Variants in CNTNAP2 observed in about 807,000 individuals in gnomAD.
The protein encoded by CNTNAP2 is contactin-associated protein-like 2.
In CNTNAP2, 98 loss-of-function variants were observed where a neutral mutation model predicts 155.2. The ratio of observed to expected loss-of-function variants is 0.63; its 90% CI spans 0.54 to 0.75. The LOEUF (loss-of-function observed/expected upper bound fraction) is 0.75. CNTNAP2 is among the 30% of genes least tolerant of loss of function. The pLI, the probability that CNTNAP2 is intolerant of heterozygous loss-of-function variation, is 0.00. For synonymous variants in CNTNAP2, 651 were observed against 631.2 expected, an observed-to-expected ratio of 1.03 and a Z score of -0.47; for missense variants, 1,727 against 1,688.1, an observed-to-expected ratio of 1.02 and a Z score of -0.40.
At chr7:146,910,500 A>G (rs1244344304) in intron 3 of CNTNAP2, among the ~76,000 whole-genome samples, 1 of 150,732 alleles carries the variant, frequency 6.6e-6, no homozygotes, top group East Asian at 1.9e-4. Context: ...AAATAACGCC[A>G]CATACCTACA....
At chr7:146,700,288 AG>A (rs1304665186) in intron 1 of CNTNAP2, among the ~76,000 whole-genome samples, 2 of 152,214 alleles carry the variant, frequency 1.3e-5, no homozygotes, top group Admixed American at 6.5e-5. Context: ...TGGTTTTCAA[AG>A]GGGGCAGTGG....
At chr7:147,892,883 C>A (rs1439999171) in intron 13 of CNTNAP2, among the ~76,000 whole-genome samples, 3 of 152,128 alleles carry the variant, frequency 2.0e-5, no homozygotes, top group East Asian at 1.9e-4. Flanking sequence ...CAACCTGAAG[C>A]TAATCAACTG....
chr7:148,418,352 A>C lies in CNTNAP2; in HGVS notation c.*2736A>C, dbSNP rs1351559100. 2 of 152,258 alleles carry C rather than the reference A, an allele frequency of 1.3e-5. No individual in the cohort carries two copies. Among genetic ancestry groups the C allele is most frequent in the Non-Finnish European group, 2.9e-5 (2 of 68,058 alleles). 9.4% of individuals were successfully genotyped at this position (152,258 alleles called of 1,614,324 possible). Reference sequence around the variant, plus strand: ...TCCTGCTTTGTCATTCACATCTCACAAAATCTTGACATCTTACATTCCAAT... The same window carrying C: ...TCCTGCTTTGTCATTCACATCTCACCAAATCTTGACATCTTACATTCCAAT... On this transcript the variant is annotated 3_prime_UTR_variant, in exon 24 of 24. Transcript: ENST00000361727.
intron 15 of CNTNAP2, among the ~76,000 whole-genome samples, chr7:148,069,229 TGA>T (rs1803331141): frequency 6.6e-6 from 1 of 152,238 alleles, no homozygotes; most frequent in Non-Finnish European, 1.5e-5. Flanking sequence ...TCTAGTCTTA[TGA>T]TTTTTAACTG....
intron 1 of CNTNAP2, among the ~76,000 whole-genome samples, chr7:146,326,581 A>C (rs961624283): frequency 1.1e-4 from 16 of 152,182 alleles, no homozygotes; most frequent in Admixed American, 1.0e-3. Flanking sequence ...TTAATATCCC[A>C]TTTACAATTT....
In CNTNAP2 at chr7:147,818,937, C is replaced by T. The variant is rs927143114; in HGVS notation, c.2099-84628C>T. Reference sequence around the variant, plus strand: ...AAAATAATATCCTTCAAGGTAAATTCCATGAATGTTAAGTCAAGCAGAACT... The same window carrying T: ...AAAATAATATCCTTCAAGGTAAATTTCATGAATGTTAAGTCAAGCAGAACT... On this transcript the variant is annotated intron_variant, in intron 13 of 23. Transcript: ENST00000361727. Among the ~76,000 whole-genome samples, 20 of 152,176 alleles carry T rather than the reference C, an allele frequency of 1.3e-4. 1 individual carries two copies. The East Asian group carries it at 2.7e-3, about 21-fold the overall frequency.
chr7:148,169,201 A>G (rs1805729693), intron 17 of CNTNAP2, among the ~76,000 whole-genome samples: 2 of 152,236 alleles, frequency 1.3e-5, no homozygotes. Flanking sequence ...AAACATTAAA[A>G]TTACTCAGCT....
Position 148,147,594 on chromosome 7 carries a change from T to C in CNTNAP2, c.2658T>C (p.Thr886=), listed in dbSNP as rs756888068. The C allele has an allele frequency of 6.2e-7, 1 of 1,614,086 alleles. No homozygotes were observed. The highest frequency in any genetic ancestry group is 2.2e-5 in the East Asian group (1 of 44,870). ...PLNDDQWHRV[T]AERNVKQASL... ...ACGATGACCAGTGGCACCGGGTCAC[T>C]GCAGAGAGGAATGTCAAGCAGGCCA... Residue 886 remains threonine (T), a synonymous_variant, in exon 17 of 24, where the codon ACT becomes ACC. Coordinates refer to ENST00000361727, the MANE Select transcript of CNTNAP2 (RefSeq NM_014141.6).
intron 20 of CNTNAP2, among the ~76,000 whole-genome samples, chr7:148,230,662 T>C (rs1795945546): frequency 6.6e-6 from 1 of 152,230 alleles, no homozygotes; most frequent in Admixed American, 6.5e-5. Flanking sequence ...TTTTGAGCAC[T>C]GGTGGATGTC....
Position 146,930,905 on chromosome 7 carries a change from A to C in CNTNAP2, c.402+91001A>C, listed in dbSNP as rs553235122. Among the ~76,000 whole-genome samples the C allele has an allele frequency of 9.2e-5, 14 of 152,282 alleles. No homozygotes were observed. The South Asian group carries it at 2.9e-3, about 32-fold the overall frequency. On this transcript the variant is annotated intron_variant, in intron 3 of 23. Coordinates refer to ENST00000361727, the MANE Select transcript of CNTNAP2 (RefSeq NM_014141.6). ...AGCTAACTATCCTAAATATATATGC[A>C]CCCAATACAGGAGCACCCAGATTCA...
intron 11 of CNTNAP2, among the ~76,000 whole-genome samples, chr7:147,541,031 T>C (rs529430559): frequency 6.6e-6 from 1 of 152,278 alleles, no homozygotes; most frequent in South Asian, 2.1e-4. Context: ...TAAAGATACT[T>C]AAAATAAAAT....
At chr7:148,397,614 T>C (rs865795311) in intron 22 of CNTNAP2, among the ~76,000 whole-genome samples, 1 of 152,366 alleles carries the variant, frequency 6.6e-6, no homozygotes, top group South Asian at 2.1e-4. Context: ...CATTCCCCTT[T>C]TCGACAGGGA....
At chr7:147,157,610 T>G (rs1273308062) in intron 8 of CNTNAP2, among the ~76,000 whole-genome samples, 1 of 152,106 alleles carries the variant, frequency 6.6e-6, no homozygotes, top group Non-Finnish European at 1.5e-5. Flanking sequence ...GCAATGGTAT[T>G]ATATTTTTCT....
At chr7:146,539,829 A>G (rs1274657135) in intron 1 of CNTNAP2, among the ~76,000 whole-genome samples, 1 of 152,100 alleles carries the variant, frequency 6.6e-6, no homozygotes, top group Non-Finnish European at 1.5e-5. Flanking sequence ...GTCACCAATC[A>G]TGAAAGTCAA....
chr7:146,233,566 T>A (rs2116917299), intron 1 of CNTNAP2, among the ~76,000 whole-genome samples: 1 of 152,264 alleles, frequency 6.6e-6, no homozygotes, highest in Non-Finnish European at 1.5e-5. Context: ...CTGCACCCAT[T>A]AACTCGTCAT....
intron 15 of CNTNAP2, among the ~76,000 whole-genome samples, chr7:148,107,536 GA>G (rs1804248999): frequency 6.6e-6 from 1 of 152,184 alleles, no homozygotes; most frequent in South Asian, 2.1e-4. Context: ...CATTCTAAGT[GA>G]AGCTTGCCCA....
intron 8 of CNTNAP2, among the ~76,000 whole-genome samples, chr7:147,163,733 C>T (rs962717097): frequency 3.9e-5 from 6 of 152,114 alleles, no homozygotes; most frequent in Admixed American, 3.3e-4. Flanking sequence ...TAAGTATGTA[C>T]CATATCAATG....
chr7:147,187,613 A>G (rs1412803422), intron 8 of CNTNAP2, among the ~76,000 whole-genome samples: 1 of 152,120 alleles, frequency 6.6e-6, no homozygotes. Flanking sequence ...CAGCAGAGAG[A>G]GACGGATTGG....
intron 3 of CNTNAP2, among the ~76,000 whole-genome samples, chr7:146,970,506 G>A (rs563338199): frequency 7.6e-4 from 116 of 152,262 alleles, no homozygotes; most frequent in African/African-American, 2.6e-3. Flanking sequence ...CAAAACCACA[G>A]TGAGATACCA....
Sources: gnomAD v4.1 joint callset for allele counts (sites outside exome capture counted in the v4.1 genomes callset) on GRCh38, gnomAD v4.1.1 for gene constraint, MANE v1.5 for transcripts, NCBI Gene and HGNC (gene_info 2026-07-23, HGNC 2026-07-21) for gene names.